DSCAM: variants seen among roughly 807,000 people sequenced by gnomAD.
The protein encoded by DSCAM is DS cell adhesion molecule, also known as cell adhesion molecule DSCAM.
Under a neutral mutation model 217.7 loss-of-function variants are expected in DSCAM, and 47 were observed. The observed-to-expected ratio is 0.22, with a 90% CI of 0.17 to 0.28. The LOEUF (loss-of-function observed/expected upper bound fraction) is 0.28, where lower values mean the gene tolerates loss of function less well. Ranked by LOEUF, DSCAM falls within the 10% of genes least tolerant of loss-of-function variation. DSCAM has a pLI of 1.00. For synonymous variants in DSCAM, 1,056 were observed against 1,015.3 expected, an observed-to-expected ratio of 1.04 and a Z score of -0.76; for missense variants, 2,080 against 2,618.3, an observed-to-expected ratio of 0.79 and a Z score of 4.49.
At chr21:40,443,946 T>C (rs1209232034) in intron 3 of DSCAM, among the ~76,000 whole-genome samples, 4 of 152,312 alleles carry the variant, frequency 2.6e-5, no homozygotes, top group East Asian at 1.9e-4. Context: ...TTTTCACCAA[T>C]AATTTAGAAG....
intron 3 of DSCAM, among the ~76,000 whole-genome samples, chr21:40,558,916 T>C (rs1215353102): frequency 1.3e-5 from 2 of 152,194 alleles, no homozygotes; most frequent in Non-Finnish European, 2.9e-5. Flanking sequence ...GTAGATCTGA[T>C]AAGCATGCAG....
chr21:40,128,699 CA>C (rs527919207), intron 19 of DSCAM, among the ~76,000 whole-genome samples: 34,471 of 89,434 alleles, frequency 0.39, 4,507 homozygotes, highest in African/African-American at 0.47. Context: ...CATAACCAAA[CA>C]AAAAAAAAAA....
intron 3 of DSCAM, among the ~76,000 whole-genome samples, chr21:40,539,482 C>CGA (rs1236137537): frequency 6.7e-6 from 1 of 148,280 alleles, no homozygotes; most frequent in Admixed American, 6.8e-5. Context: ...GGCGACAGAG[C>CGA]GAGACTCCAT....
intron 1 of DSCAM, among the ~76,000 whole-genome samples, chr21:40,750,063 G>A (rs112127502): frequency 0.078 from 11,886 of 151,934 alleles, 535 homozygotes; most frequent in Non-Finnish European, 0.088. Flanking sequence ...GAGTAGCTGC[G>A]ATTACAGGTG....
At position 40,339,179 on chromosome 21, in the gene DSCAM, G is replaced by T. The variant is rs376736119; in HGVS notation, c.1447C>A (p.Arg483Ser). The T allele has an allele frequency of 6.2e-7, 1 of 1,614,194 alleles. No individual in the cohort carries two copies. The highest frequency in any genetic ancestry group is 1.1e-5 in the South Asian group (1 of 91,082). ...SSQVRDGGVY[R>S]CTANNSAGVV... ...CCCGCCGAGTTGTTGGCAGTGCAGC[G>T]GTAGACTCCCCCGTCCCGGACCTGG... Residue 483 changes from arginine to serine, a missense_variant, in exon 7 of 33, where the codon CGC becomes AGC. Arg to Ser is a moderately radical substitution (Grantham distance 110). Coordinates refer to ENST00000400454, the MANE Select transcript of DSCAM (RefSeq NM_001389.5).
intron 1 of DSCAM, among the ~76,000 whole-genome samples, chr21:40,757,086 A>G (rs4816696): frequency 0.7 from 105,962 of 151,826 alleles, 37,260 homozygotes; most frequent in Admixed American, 0.76. Flanking sequence ...GTGCAGTGGC[A>G]TGATCTCGGC....
chr21:40,539,413 G>A (rs909365915), intron 3 of DSCAM, among the ~76,000 whole-genome samples: 4 of 151,904 alleles, frequency 2.6e-5, no homozygotes, highest in Non-Finnish European at 4.4e-5. Context: ...GGAGAATGGC[G>A]TGAACCCGGG....
intron 3 of DSCAM, among the ~76,000 whole-genome samples, chr21:40,413,028 G>A (rs930268224): frequency 2.0e-5 from 3 of 152,210 alleles, no homozygotes; most frequent in Non-Finnish European, 2.9e-5. Flanking sequence ...GCTTCCACAT[G>A]GTGTTGACCC....
chr21:40,725,479 G>A (rs2090946021), intron 1 of DSCAM, among the ~76,000 whole-genome samples: 2 of 152,202 alleles, frequency 1.3e-5, no homozygotes, highest in South Asian at 4.1e-4. Flanking sequence ...CATACCACCT[G>A]ATCCAGTTCT....
rs2090762083 is a variant in DSCAM, at chr21:40,178,829, A to G, written c.2947+98T>C. ...GAGCACGCATCAAAGACCTCCGCCT[A>G]GCACGGGCAAAGGTCTGCTTCTGCA... On this transcript the variant is annotated intron_variant, in intron 15 of 32. Transcript: ENST00000400454. The G allele has an allele frequency of 1.9e-5, 28 of 1,483,228 alleles. No individual in the cohort carries two copies. In the South Asian group the frequency reaches 3.2e-4, roughly 17 times the overall value. 91.9% of individuals were successfully genotyped at this position (1,483,228 alleles called of 1,614,324 possible). A position where few individuals can be genotyped will look rare whatever the true frequency, so the allele number is the denominator to read the frequency against.
At position 40,735,139 on chromosome 21, in the gene DSCAM, G is replaced by T. The variant is rs2091050708; in HGVS notation, c.44-26368C>A. ...GTTATTTGCATGTATCACACTGAGG[G>T]TACTGATCCACGTGTTTTTCTCCTC... is the stretch of plus-strand genomic sequence containing the variant. On this transcript the variant is annotated intron_variant, in intron 1 of 32. Coordinates refer to ENST00000400454, the MANE Select transcript of DSCAM (RefSeq NM_001389.5). Among the ~76,000 whole-genome samples the T allele has an allele frequency of 2.6e-5, 4 of 152,182 alleles. No individual in the cohort carries two copies. The South Asian group carries it at 8.3e-4, about 32-fold the overall frequency.
At chr21:40,742,218 C>T (rs2146544592) in intron 1 of DSCAM, among the ~76,000 whole-genome samples, 1 of 152,362 alleles carries the variant, frequency 6.6e-6, no homozygotes, top group Non-Finnish European at 1.5e-5. Flanking sequence ...CCCAGCAGAA[C>T]TAAGGACAGT....
intron 21 of DSCAM, among the ~76,000 whole-genome samples, chr21:40,089,427 G>C (rs1042114599): frequency 1.2e-4 from 19 of 152,132 alleles, no homozygotes; most frequent in African/African-American, 3.4e-4. Context: ...TCTGATTCGG[G>C]TCCCGTTTGT....
chr21:40,205,602 CAAAAAAAA>C (rs35725347), intron 11 of DSCAM, among the ~76,000 whole-genome samples: 2 of 83,514 alleles, frequency 2.4e-5, no homozygotes, highest in African/African-American at 3.8e-5. Flanking sequence ...GACTCTATCT[CAAAAAAAA>C]AAAAAAAAAA....
chr21:40,654,098 AAG>A lies in DSCAM; in HGVS notation c.508+38710_508+38711del, dbSNP rs1491026944. On this transcript the variant is annotated intron_variant, in intron 3 of 32. Coordinates refer to ENST00000400454, the MANE Select transcript of DSCAM (RefSeq NM_001389.5). ...TGACAGATTGAGATTCCATCTCAAA[AAG>A]AAAAAGAAAAAAGAAAAAAAGAAAA... Among the ~76,000 whole-genome samples, 8 of 114,532 alleles carry A rather than the reference AAG, an allele frequency of 7.0e-5. No homozygotes were observed. The South Asian group carries it at 1.1e-3, about 15-fold the overall frequency. The allele number at this position is 114,532 out of a possible 152,430, so 75.1% of individuals were successfully genotyped here.
intron 3 of DSCAM, among the ~76,000 whole-genome samples, chr21:40,651,697 A>G (rs900417956): frequency 4.6e-5 from 7 of 152,230 alleles, no homozygotes; most frequent in African/African-American, 1.7e-4. Context: ...CTTATATCTT[A>G]CATGCATATT....
At chr21:40,083,882 A>G in intron 24 of DSCAM, 26 bp downstream of exon 24, 1 of 1,574,352 alleles carries the variant, frequency 6.4e-7, no homozygotes, top group Non-Finnish European at 8.7e-7. Context: ...CTAATCAACT[A>G]TTGTGGACAA....
chr21:40,258,913 G>A (rs4818123), intron 11 of DSCAM, among the ~76,000 whole-genome samples: 6,056 of 152,258 alleles, frequency 0.04, 348 homozygotes, highest in East Asian at 0.22. Context: ...GGTTATAAAC[G>A]ACCCTGTCTC....
chr21:40,081,207 G>A (rs1055273193), intron 24 of DSCAM, among the ~76,000 whole-genome samples: 1 of 152,160 alleles, frequency 6.6e-6, no homozygotes, highest in Admixed American at 6.5e-5. Flanking sequence ...CCTGTTATCT[G>A]CAGCCATGTT....
Sources: allele counts gnomAD v4.1 joint callset (sites outside exome capture counted in the v4.1 genomes callset), GRCh38; gene constraint gnomAD v4.1.1; transcripts MANE v1.5; gene names NCBI Gene and HGNC (gene_info 2026-07-23, HGNC 2026-07-21).